MROH1: variants seen among roughly 807,000 people sequenced by gnomAD.
MROH1 encodes the protein maestro heat-like repeat-containing protein family member 1.
A neutral mutation model predicts 116.5 loss-of-function variants in MROH1; 117 were observed. The observed-to-expected ratio is 1.00, with a 90% CI of 0.86 to 1.17. The LOEUF (loss-of-function observed/expected upper bound fraction) is 1.17. Ranked by LOEUF, MROH1 falls within the 50% of genes most tolerant of loss-of-function variation. The pLI, the probability that MROH1 is intolerant of heterozygous loss-of-function variation, is 0.00. For missense variants in MROH1, 1,873 were observed against 1,338.5 expected (o/e 1.40, Z -6.23); for synonymous variants, 921 against 583.9 (o/e 1.58, Z -8.32).
chr8:144,203,634 CTCTG>C (rs1255896960), intron 12 of MROH1, among the ~76,000 whole-genome samples: 2 of 152,108 alleles, frequency 1.3e-5, no homozygotes, highest in Non-Finnish European at 2.9e-5. Context: ...AGAGGGGCTG[CTCTG>C]GTCAGTGGTC....
At chr8:144,171,801 T>A (rs1822514503) in intron 4 of MROH1, among the ~76,000 whole-genome samples, 2 of 152,164 alleles carry the variant, frequency 1.3e-5, no homozygotes, top group African/African-American at 4.8e-5. Context: ...CGCCTGACAT[T>A]CCTAGTTGGG....
At position 144,261,737 on chromosome 8, in the gene MROH1, C is replaced by G; in HGVS notation, c.4923C>G (p.Ala1641=). The G allele has an allele frequency of 1.4e-6, 1 of 712,612 alleles. No homozygotes were observed. The highest frequency in any genetic ancestry group is 2.6e-6 in the Non-Finnish European group (1 of 391,168). The allele number at this position is 712,612 out of a possible 1,614,324, so 44.1% of individuals were successfully genotyped here. ...CCCTGGGCCGCCTGGTGAAGCTCGC[C>G]TAAGGCTCCGGCCAGCACCCCCAGC... is the stretch of plus-strand genomic sequence containing the variant. ...AEALGRLVKL[A] Residue 1641 remains alanine (A), a synonymous_variant, in exon 44 of 44, where the codon GCC becomes GCG. Coordinates refer to ENST00000326134, the MANE Select transcript of MROH1 (RefSeq NM_032450.3).
chr8:144,191,035 A>C, intron 8 of MROH1, 100 bp downstream of exon 8: 2 of 1,374,430 alleles, frequency 1.5e-6, no homozygotes, highest in Non-Finnish European at 2.0e-6. Flanking sequence ...GTGGTGTTGC[A>C]TTGGCAAGCA....
rs1189633896 is a variant in MROH1, at chr8:144,248,965, C to T, written c.3209C>T (p.Ser1070Phe). 8.0e-6 allele frequency: 6 copies of T among 745,730 alleles called. No individual in the cohort carries two copies. Among genetic ancestry groups the T allele is most frequent in the Admixed American group, 5.6e-5 (3 of 53,606 alleles). 46.2% of individuals were successfully genotyped at this position (745,730 alleles called of 1,614,324 possible). A position where few individuals can be genotyped will look rare whatever the true frequency, so the allele number is the denominator to read the frequency against. Residue 1070 changes from serine to phenylalanine, a missense_variant, in exon 32 of 44, where the codon TCC (serine) becomes TTC (phenylalanine). Transcript: ENST00000326134. Reference sequence around the variant, plus strand: ...CTGGGAGACCCCGAAAAGAACTGCTCCCGAGCAGCTACCGTCATGATCAAC... The same window carrying T: ...CTGGGAGACCCCGAAAAGAACTGCTTCCGAGCAGCTACCGTCATGATCAAC... ...EALGDPEKNC[S>F]RAATVMINCL...
At chr8:144,199,346 C>T (rs1830597656) in intron 11 of MROH1, 146 bp downstream of exon 11, 1 of 779,780 alleles carries the variant, frequency 1.3e-6, no homozygotes, top group South Asian at 1.7e-5. Flanking sequence ...CTACCTGTGG[C>T]TCCAGAGGCC....
chr8:144,168,187 CTG>C, intron 3 of MROH1, 106 bp from the exon 4 acceptor site: 1 of 1,288,066 alleles, frequency 7.8e-7, no homozygotes, highest in Non-Finnish European at 1.0e-6. Context: ...TGCTCTGTGT[CTG>C]TGATCCTCAG....
At chr8:144,199,417 G>A (rs950152723) in intron 11 of MROH1, among the ~76,000 whole-genome samples, 1 of 152,156 alleles carries the variant, frequency 6.6e-6, no homozygotes, top group Admixed American at 6.6e-5. Context: ...CGAGGAGCGT[G>A]CTGCTGACCT....
chr8:144,168,538 C>A, intron 4 of MROH1, 98 bp downstream of exon 4: 1 of 1,436,912 alleles, frequency 7.0e-7, no homozygotes, highest in South Asian at 1.3e-5. Context: ...AGCAGTGGGT[C>A]GGGTGTTACG....
At chr8:144,201,897 T>C (rs1197160137) in intron 12 of MROH1, among the ~76,000 whole-genome samples, 1 of 151,770 alleles carries the variant, frequency 6.6e-6, no homozygotes, top group East Asian at 1.9e-4. Flanking sequence ...GGCGGGCGCC[T>C]GTAATCCAAG....
intron 12 of MROH1, among the ~76,000 whole-genome samples, chr8:144,209,318 C>T (rs1018864674): frequency 2.6e-5 from 4 of 151,934 alleles, no homozygotes; most frequent in Non-Finnish European, 2.9e-5. Context: ...GTGGCTCAAA[C>T]GCCTGTAATC....
At chr8:144,169,602 C>A (rs1200955527) in intron 4 of MROH1, among the ~76,000 whole-genome samples, 3 of 149,868 alleles carry the variant, frequency 2.0e-5, no homozygotes, top group Non-Finnish European at 4.5e-5. Context: ...CAGGTGTGCA[C>A]CACCACACAC....
chr8:144,183,543 A>G (rs553901614), intron 7 of MROH1, among the ~76,000 whole-genome samples: 1 of 151,878 alleles, frequency 6.6e-6, no homozygotes, highest in South Asian at 2.1e-4. Flanking sequence ...ACCTAGGCCC[A>G]CGGAGGTCAA....
At chr8:144,235,549 T>C (rs1035819030) in intron 14 of MROH1, among the ~76,000 whole-genome samples, 61 of 152,230 alleles carry the variant, frequency 4.0e-4, no homozygotes, top group Non-Finnish European at 4.3e-4. Context: ...GGTTTTGTTA[T>C]GAAGAAGTAC....
At chr8:144,254,500 T>TTCC (rs1843354987) in intron 33 of MROH1, 1 of 306,010 alleles carries the variant, frequency 3.3e-6, no homozygotes, top group Non-Finnish European at 6.1e-6. Context: ...CAGATGCTGC[T>TTCC]TCCTCCAGGG....
rs1819968190 is a variant in MROH1 at position 144,163,120 on chromosome 8, A to T, written c.-56-651A>T. ...GGATGGGTCATGGTGTCTCTCCTTC[A>T]TTTTTCTCTGGAGTATGTTAGCAAG... is the stretch of plus-strand genomic sequence containing the variant. On this transcript the variant is annotated intron_variant, in intron 2 of 43. Transcript: ENST00000326134. This position sits in a 1 kb window ranked among gnomAD's most constrained non-coding sequence, Gnocchi z 4.4. 6.6e-6 allele frequency among the ~76,000 whole-genome samples: 1 copy of T among 152,088 alleles called. No homozygotes were observed. The highest frequency in any genetic ancestry group is 1.9e-4 in the East Asian group (1 of 5,166).
intron 39 of MROH1, 32 bp from the exon 40 acceptor site, chr8:144,260,643 CTG>C (rs1186327935): frequency 5.9e-5 from 46 of 775,274 alleles, no homozygotes; most frequent in Non-Finnish European, 1.0e-4. Flanking sequence ...GGGGCACAGC[CTG>C]TGAGGAGACG....
At chr8:144,247,003 G>A (rs1281184545) in intron 29 of MROH1, among the ~76,000 whole-genome samples, 3 of 152,242 alleles carry the variant, frequency 2.0e-5, no homozygotes, top group African/African-American at 7.2e-5. Context: ...GCCTGCACAC[G>A]CCTGCGTGCC....
At chr8:144,205,753 A>G (rs1378055177) in intron 12 of MROH1, among the ~76,000 whole-genome samples, 1 of 152,178 alleles carries the variant, frequency 6.6e-6, no homozygotes, top group Non-Finnish European at 1.5e-5. Context: ...ATTCCCTGTT[A>G]CATGTGTGTT....
intron 12 of MROH1, among the ~76,000 whole-genome samples, chr8:144,210,009 C>G (rs1373144610): frequency 6.6e-6 from 1 of 151,570 alleles, no homozygotes; most frequent in East Asian, 1.9e-4. Context: ...ACCACCAGGT[C>G]TTTTGGACTG....
Sources: gnomAD v4.1 joint callset for allele counts (sites outside exome capture counted in the v4.1 genomes callset) on GRCh38, gnomAD v4.1.1 for gene constraint, Gnocchi (gnomAD v3.1) non-coding constraint, MANE v1.5 for transcripts, NCBI Gene and HGNC (gene_info 2026-07-23, HGNC 2026-07-21) for gene names.